The following PCNX1 variants were observed in gnomAD, a reference collection of about 807,000 sequenced individuals.
PCNX1 encodes the protein pecanex 1.
Under a neutral mutation model 242.2 loss-of-function variants are expected in PCNX1, and 78 were observed. That is an observed-to-expected ratio of 0.32 (90% CI 0.27 to 0.39). PCNX1 has a LOEUF of 0.39. Among genes scored for constraint, PCNX1 ranks in the 10% least tolerant of loss-of-function variants. The pLI, the probability that PCNX1 is intolerant of heterozygous loss-of-function variation, is 1.00. For missense variants in PCNX1, 2,581 were observed against 2,856.5 expected (o/e 0.90, Z 2.20); for synonymous variants, 1,024 against 1,032.9 (o/e 0.99, Z 0.17).
chr14:70,951,590 G>C (rs1048123580), intron 2 of PCNX1, among the ~76,000 whole-genome samples: 1 of 152,066 alleles, frequency 6.6e-6, no homozygotes, highest in African/African-American at 2.4e-5. Flanking sequence ...GGCCAGGCTG[G>C]TGCTGGACTC....
At chr14:71,036,460 G>A (rs914054632) in intron 19 of PCNX1, among the ~76,000 whole-genome samples, 1 of 152,060 alleles carries the variant, frequency 6.6e-6, no homozygotes, top group South Asian at 2.1e-4. Flanking sequence ...TTACAGATGT[G>A]AGCTACTTCA....
Position 70,918,354 on chromosome 14 carries a change from C to G in PCNX1, c.153+10351C>G, listed in dbSNP as rs562650446. On this transcript the variant is annotated intron_variant, in intron 1 of 35. Transcript: ENST00000304743. ...GTGAGAGAAACGTGACTCTTCCTTTCACTTGAACACTCTTTACTATCGTCT... is the reference window on the plus strand; with the variant it reads ...GTGAGAGAAACGTGACTCTTCCTTTGACTTGAACACTCTTTACTATCGTCT... Among the ~76,000 whole-genome samples the G allele has an allele frequency of 4.6e-5, 7 of 152,276 alleles. No homozygotes were observed. The East Asian group carries it at 1.4e-3, about 29-fold the overall frequency.
In PCNX1 at chr14:71,005,192, G is replaced by T. The variant is rs183964606; in HGVS notation, c.2630-4442G>T. Among the ~76,000 whole-genome samples the T allele has an allele frequency of 2.0e-5, 3 of 152,242 alleles. No individual in the cohort carries two copies. In the East Asian group the frequency reaches 5.8e-4, roughly 29 times the overall value. ...TCCAAGATACATATAGGTAACTTTA[G>T]AAAAATGAGTGATGTCAAGAATGCA... is the stretch of plus-strand genomic sequence containing the variant. On this transcript the variant is annotated intron_variant, in intron 8 of 35. Coordinates refer to ENST00000304743, the MANE Select transcript of PCNX1 (RefSeq NM_014982.3).
In PCNX1 at chr14:70,907,829, A is replaced by G. The variant is rs560327711; in HGVS notation, c.-22A>G. Reference sequence around the variant, plus strand: ...GGGGACGGCGGCGGCGGCGGCGGCGACGGCGGCGGCGCCGGGTGGGGATGG... The same window carrying G: ...GGGGACGGCGGCGGCGGCGGCGGCGGCGGCGGCGGCGCCGGGTGGGGATGG... On this transcript the variant is annotated 5_prime_UTR_variant, in exon 1 of 36. Transcript: ENST00000304743. 1.3e-4 allele frequency: 168 copies of G among 1,252,158 alleles called. 1 individual carries two copies. The highest frequency in any genetic ancestry group is 1.9e-4 in the East Asian group (6 of 30,926). The allele number at this position is 1,252,158 out of a possible 1,614,324, so 77.6% of individuals were successfully genotyped here.
At chr14:71,038,914 C>T (rs1186490357) in intron 19 of PCNX1, among the ~76,000 whole-genome samples, 3 of 150,878 alleles carry the variant, frequency 2.0e-5, no homozygotes, top group Non-Finnish European at 2.9e-5. Context: ...GAGTTCATGT[C>T]CTTTGTAGGG....
At chr14:70,964,669 C>T (rs1025050226) in intron 3 of PCNX1, among the ~76,000 whole-genome samples, 10 of 152,158 alleles carry the variant, frequency 6.6e-5, no homozygotes, top group African/African-American at 9.7e-5. Context: ...AGTGGCCAGG[C>T]ACTTTTGGAT....
At chr14:71,025,808 G>T (rs976267745) in intron 13 of PCNX1, among the ~76,000 whole-genome samples, 2 of 138,822 alleles carry the variant, frequency 1.4e-5, no homozygotes, top group African/African-American at 2.7e-5. Flanking sequence ...GGCTGAGGCT[G>T]CAGTGAGCTG....
At chr14:71,102,349 A>G (rs1051158222) in intron 31 of PCNX1, 129 bp downstream of exon 31, 5 of 628,502 alleles carry the variant, frequency 8.0e-6, no homozygotes, top group Non-Finnish European at 1.4e-5. Context: ...TCATGGGCTT[A>G]CTGCAGGCTC....
At chr14:71,073,862 T>C in intron 27 of PCNX1, 64 bp downstream of exon 27, 1 of 1,210,440 alleles carries the variant, frequency 8.3e-7, no homozygotes, top group Non-Finnish European at 1.1e-6. Flanking sequence ...ATGACATATA[T>C]AAGTATATAT....
chr14:71,001,553 A>G (rs971879982), intron 8 of PCNX1, among the ~76,000 whole-genome samples: 4 of 152,220 alleles, frequency 2.6e-5, no homozygotes, highest in Admixed American at 2.6e-4. Flanking sequence ...GAACAGCTCT[A>G]GGAATTTTAC....
intron 1 of PCNX1, among the ~76,000 whole-genome samples, chr14:70,911,287 C>A (rs552674344): frequency 6.6e-6 from 1 of 152,074 alleles, no homozygotes; most frequent in African/African-American, 2.4e-5. Flanking sequence ...TATTCCCCCC[C>A]AAAAAGTGCC....
chr14:71,095,278 A>G (rs932907100), intron 30 of PCNX1, among the ~76,000 whole-genome samples: 9 of 152,232 alleles, frequency 5.9e-5, no homozygotes, highest in African/African-American at 2.2e-4. Context: ...AGTCTGTGAT[A>G]TCCTTGAGGA....
intron 28 of PCNX1, among the ~76,000 whole-genome samples, chr14:71,081,256 C>G (rs766264519): frequency 3.3e-5 from 5 of 152,174 alleles, no homozygotes; most frequent in Non-Finnish European, 7.3e-5. Flanking sequence ...TGATGTGCTG[C>G]TGGATTCTGT....
chr14:70,921,903 A>G (rs1313423604), intron 1 of PCNX1, among the ~76,000 whole-genome samples: 1 of 152,138 alleles, frequency 6.6e-6, no homozygotes, highest in East Asian at 1.9e-4. Flanking sequence ...CAATATTTTT[A>G]ATTTGTCTAT....
At chr14:71,098,376 C>T (rs1221762990) in intron 30 of PCNX1, among the ~76,000 whole-genome samples, 3 of 152,036 alleles carry the variant, frequency 2.0e-5, no homozygotes, top group African/African-American at 7.3e-5. Flanking sequence ...GGCAGTATGG[C>T]TGTTTTAACA....
At chr14:71,098,887 A>AG in intron 30 of PCNX1, among the ~76,000 whole-genome samples, 1 of 152,220 alleles carries the variant, frequency 6.6e-6, no homozygotes, top group Middle Eastern at 3.4e-3. Flanking sequence ...CTGGTTCTCA[A>AG]GGGGGATGCT....
intron 1 of PCNX1, among the ~76,000 whole-genome samples, chr14:70,925,059 G>C (rs1278328959): frequency 6.6e-6 from 1 of 151,732 alleles, no homozygotes; most frequent in Non-Finnish European, 1.5e-5. Context: ...TGCGATCTCA[G>C]CTCACTGCAA....
At chr14:71,041,803 C>CTATAG (rs2060714994) in intron 19 of PCNX1, among the ~76,000 whole-genome samples, 1 of 151,750 alleles carries the variant, frequency 6.6e-6, no homozygotes, top group Admixed American at 6.6e-5. Flanking sequence ...CTATACTATA[C>CTATAG]TATACTATAC....
chr14:71,100,532 T>C (rs951458413), intron 30 of PCNX1, among the ~76,000 whole-genome samples: 1 of 152,190 alleles, frequency 6.6e-6, no homozygotes. Context: ...AATTTTTCTT[T>C]AGTGTTGACC....
Sources: gnomAD v4.1 joint callset for allele counts (sites outside exome capture counted in the v4.1 genomes callset) on GRCh38, gnomAD v4.1.1 for gene constraint, MANE v1.5 for transcripts, NCBI Gene and HGNC (gene_info 2026-07-23, HGNC 2026-07-21) for gene names.